Variants in KIF18B observed in about 807,000 individuals in gnomAD.
KIF18B encodes the protein kinesin family member 18B, also known as kinesin-like protein KIF18B.
In KIF18B, 49 loss-of-function variants were observed where a neutral mutation model predicts 80.9. The ratio of observed to expected loss-of-function variants is 0.61; its 90% CI spans 0.48 to 0.77. KIF18B has a LOEUF of 0.77. Ranked by LOEUF, KIF18B falls within the 30% of genes least tolerant of loss-of-function variation. KIF18B has a pLI of 0.00. For synonymous variants in KIF18B, 439 were observed against 463.9 expected (o/e 0.95, Z 0.69); for missense variants, 994 against 1,127.7 (o/e 0.88, Z 1.70).
intron 8 of KIF18B, 47 bp downstream of exon 8, chr17:44,932,865 C>A (rs1304459937): frequency 1.3e-6 from 2 of 1,585,456 alleles, no homozygotes; most frequent in South Asian, 1.1e-5. Flanking sequence ...CAAGCTCCTG[C>A]CTCTGGCTGT....
intron 1 of KIF18B, among the ~76,000 whole-genome samples, chr17:44,946,214 C>CT (rs1210879489): frequency 1.3e-5 from 2 of 152,080 alleles, no homozygotes; most frequent in Non-Finnish European, 2.9e-5. Context: ...TACATGGATA[C>CT]TTTTTTTAAC....
Position 44,934,815 on chromosome 17 carries a change from G to A in KIF18B, c.576+16C>T, listed in dbSNP as rs148267377. 7.9e-3 allele frequency: 12,054 copies of A among 1,521,604 alleles called. 63 individuals carry two copies. The highest frequency in any genetic ancestry group is 9.6e-3 in the Non-Finnish European group (10,724 of 1,121,754). 94.3% of individuals were successfully genotyped at this position (1,521,604 alleles called of 1,614,324 possible). On this transcript the variant is annotated intron_variant, in intron 4 of 15. Transcript: ENST00000593135. This position sits in a 1 kb window ranked among gnomAD's most constrained non-coding sequence, Gnocchi z 5.4. ...ACCCATGGGGCCGATCATCCTACCC[G>A]AGCCCAATCCCACACCTGGTGGAAA...
intron 7 of KIF18B, among the ~76,000 whole-genome samples, chr17:44,933,588 G>A (rs1043834172): frequency 1.3e-5 from 2 of 152,164 alleles, no homozygotes; most frequent in Non-Finnish European, 2.9e-5. Context: ...CATCTCCTGG[G>A]TTCAAGCGAT....
chr17:44,927,966 A>G lies in KIF18B; in HGVS notation c.2276+60T>C. ...CTCCATACTTCTCAGCAGCACCAAG[A>G]AGTCCCTTGCTGACCACTGACCACT... On this transcript the variant is annotated intron_variant, in intron 13 of 15. Coordinates refer to ENST00000593135, the MANE Select transcript of KIF18B (RefSeq NM_001265577.2). This position sits in a 1 kb window ranked among gnomAD's most constrained non-coding sequence, Gnocchi z 4.1. 1 of 1,374,560 alleles carries G rather than the reference A, an allele frequency of 7.3e-7. No homozygotes were observed. The highest frequency in any genetic ancestry group is 9.8e-7 in the Non-Finnish European group (1 of 1,018,238). 85.1% of individuals were successfully genotyped at this position (1,374,560 alleles called of 1,614,324 possible).
chr17:44,926,503 A>T lies in KIF18B; in HGVS notation c.2367-4T>A. 6.3e-7 allele frequency: 1 copy of T among 1,579,766 alleles called. No homozygotes were observed. The highest frequency in any genetic ancestry group is 8.6e-7 in the Non-Finnish European group (1 of 1,165,290). ...GCGGCCATGGGAGACTGAGGAACTG[A>T]GGGAGGAAAGGAGGGAAGGTGGAAG... On this transcript the variant is annotated splice_polypyrimidine_tract_variant and splice_region_variant and intron_variant, in intron 14 of 15. Transcript: ENST00000593135.
At position 44,936,618 on chromosome 17, in the gene KIF18B, ATATATATTTTTTTTTTTTTT is replaced by A. The variant is rs1299821005; in HGVS notation, c.-14-280_-14-261del. On this transcript the variant is annotated intron_variant, in intron 1 of 15. Coordinates refer to ENST00000593135, the MANE Select transcript of KIF18B (RefSeq NM_001265577.2). ...TCTCTCTATATATATATATATATAT[ATATATATTTTTTTTTTTTTT>A]TTTTTTTTTTTTTTTTTTTGAGACG... 3.2e-4 allele frequency among the ~76,000 whole-genome samples: 23 copies of A among 72,754 alleles called. 1 individual carries two copies. Among genetic ancestry groups the A allele is most frequent in the African/African-American group, 1.2e-3 (20 of 16,716 alleles). 47.7% of individuals were successfully genotyped at this position (72,754 alleles called of 152,430 possible).
chr17:44,938,013 CACACATAT>C (rs1242584916), intron 1 of KIF18B, among the ~76,000 whole-genome samples: 9 of 135,500 alleles, frequency 6.6e-5, no homozygotes, highest in Non-Finnish European at 1.4e-4. Flanking sequence ...CACACACACA[CACACATAT>C]ATATTTTTTT....
At position 44,934,761 on chromosome 17, in the gene KIF18B, CCAAA is replaced by C. The variant is rs529521430; in HGVS notation, c.576+66_576+69del. 531 of 1,338,240 alleles carry C rather than the reference CCAAA, an allele frequency of 4.0e-4. 3 individuals carry two copies. In the African/African-American group the frequency reaches 7.0e-3, roughly 18 times the overall value. The allele number at this position is 1,338,240 out of a possible 1,614,324, so 82.9% of individuals were successfully genotyped here. A position where few individuals can be genotyped will look rare whatever the true frequency, so the allele number is the denominator to read the frequency against. On this transcript the variant is annotated intron_variant, in intron 4 of 15. Coordinates refer to ENST00000593135, the MANE Select transcript of KIF18B (RefSeq NM_001265577.2). The surrounding 1 kb of genome is among the most constrained non-coding windows in gnomAD (Gnocchi z 5.4). ...CACCATCACAGGACCCAGGGCATCC[CCAAA>C]CAGTTTTGTGAGGGAACCCCAAGGA...
At chr17:44,942,084 G>A (rs540726366) in intron 1 of KIF18B, among the ~76,000 whole-genome samples, 2 of 152,224 alleles carry the variant, frequency 1.3e-5, no homozygotes, top group African/African-American at 2.4e-5. Context: ...GGTCAATGTC[G>A]CATCAGCTTC....
At chr17:44,941,962 G>A (rs2052428853) in intron 1 of KIF18B, among the ~76,000 whole-genome samples, 1 of 152,144 alleles carries the variant, frequency 6.6e-6, no homozygotes, top group African/African-American at 2.4e-5. Context: ...GGTGCTGGGG[G>A]CGTGGGGCAC....
At chr17:44,936,594 CTCTCTATATATA>C (rs1226289895) in intron 1 of KIF18B, among the ~76,000 whole-genome samples, 109 of 45,096 alleles carry the variant, frequency 2.4e-3, no homozygotes, top group African/African-American at 4.6e-3. Flanking sequence ...CTCTCTCTCT[CTCTCTATATATA>C]TATATATATA....
intron 1 of KIF18B, among the ~76,000 whole-genome samples, chr17:44,938,335 C>CT (rs1305808721): frequency 6.6e-6 from 1 of 152,072 alleles, no homozygotes; most frequent in Non-Finnish European, 1.5e-5. Flanking sequence ...TATTTATGTG[C>CT]TTTTTTCTCC....
At chr17:44,939,553 C>A (rs1487789999) in intron 1 of KIF18B, among the ~76,000 whole-genome samples, 1 of 151,758 alleles carries the variant, frequency 6.6e-6, no homozygotes, top group Non-Finnish European at 1.5e-5. Flanking sequence ...ATTTTAGAAT[C>A]AGCTTATGAA....
intron 1 of KIF18B, among the ~76,000 whole-genome samples, chr17:44,942,004 C>T (rs908728580): frequency 6.6e-6 from 1 of 151,926 alleles, no homozygotes; most frequent in Non-Finnish European, 1.5e-5. Context: ...ATAGCCGCCG[C>T]TAGGATGCCT....
chr17:44,931,787 A>C (rs1025375099), intron 10 of KIF18B, 58 bp from the exon 11 acceptor site: 23 of 1,585,836 alleles, frequency 1.5e-5, no homozygotes, highest in South Asian at 4.6e-5. Context: ...TCATCTTTAT[A>C]AACAGCTTCT....
At chr17:44,935,006 C>T in intron 3 of KIF18B, 71 bp from the exon 4 acceptor site, 1 of 1,158,638 alleles carries the variant, frequency 8.6e-7, no homozygotes, top group Non-Finnish European at 1.2e-6. Flanking sequence ...AGCGGCTGGA[C>T]AGGGGAGCTG....
Position 44,934,947 on chromosome 17 carries a change from A to C in KIF18B, c.472-12T>G. ...TGTTCATTATACACCTGAGAAAGGA[A>C]GAAAGGAAGAGGCCTGAGGGAGAGC... On this transcript the variant is annotated splice_polypyrimidine_tract_variant and intron_variant, in intron 3 of 15. Coordinates refer to ENST00000593135, the MANE Select transcript of KIF18B (RefSeq NM_001265577.2). This position sits in a 1 kb window ranked among gnomAD's most constrained non-coding sequence, Gnocchi z 5.4. 1 of 1,503,920 alleles carries C rather than the reference A, an allele frequency of 6.6e-7. No individual in the cohort carries two copies. Among genetic ancestry groups the C allele is most frequent in the Non-Finnish European group, 9.0e-7 (1 of 1,107,696 alleles). 93.2% of individuals were successfully genotyped at this position (1,503,920 alleles called of 1,614,324 possible). A position where few individuals can be genotyped will look rare whatever the true frequency, so the allele number is the denominator to read the frequency against.
chr17:44,941,703 C>T lies in KIF18B; in HGVS notation c.-14-5345G>A, dbSNP rs373272670. Among the ~76,000 whole-genome samples the T allele has an allele frequency of 2.3e-4, 35 of 152,286 alleles. 1 individual carries two copies. The highest frequency in any genetic ancestry group is 8.2e-4 in the African/African-American group (34 of 41,554). Reference sequence around the variant, plus strand: ...CTTGCAGACCTACCCCCAGGAAACCCCACTTTGGCACCCGGGGAAGGGAAG... The same window carrying T: ...CTTGCAGACCTACCCCCAGGAAACCTCACTTTGGCACCCGGGGAAGGGAAG... On this transcript the variant is annotated intron_variant, in intron 1 of 15. Transcript: ENST00000593135.
chr17:44,935,570 G>A (rs1456095637), intron 2 of KIF18B, among the ~76,000 whole-genome samples, 154 bp from the exon 3 acceptor site: 1 of 152,202 alleles, frequency 6.6e-6, no homozygotes, highest in African/African-American at 2.4e-5. Context: ...CAGGGCTGGA[G>A]TTCTCTGTGT....
Sources: gnomAD v4.1 joint callset for allele counts (sites outside exome capture counted in the v4.1 genomes callset) on GRCh38, gnomAD v4.1.1 for gene constraint, Gnocchi (gnomAD v3.1) non-coding constraint, MANE v1.5 for transcripts, NCBI Gene and HGNC (gene_info 2026-07-23, HGNC 2026-07-21) for gene names.